Variants in ZNF334 observed in about 807,000 individuals in gnomAD.
The protein encoded by ZNF334 is zinc finger protein 334.
Under a neutral mutation model 12.4 loss-of-function variants are expected in ZNF334, and 14 were observed. That is an observed-to-expected ratio of 1.13 (90% CI 0.74 to 1.76). The LOEUF (loss-of-function observed/expected upper bound fraction) is 1.76. ZNF334 is among the 40% of genes most tolerant of loss of function. The pLI, the probability that ZNF334 is intolerant of heterozygous loss-of-function variation, is 0.00. For synonymous variants in ZNF334, 273 were observed against 269.6 expected, an observed-to-expected ratio of 1.01 and a Z score of -0.12; for missense variants, 797 against 804.5, an observed-to-expected ratio of 0.99 and a Z score of 0.11.
At chr20:46,481,475 A>T in the ZNF334 span, 1 of 152,272 alleles carries the variant, frequency 6.6e-6, no homozygotes, top group East Asian at 1.9e-4. Context: ...GACCAAGAGG[A>T]GTCATTAGCA....
At chr20:46,487,841 T>C in the ZNF334 span, among the ~76,000 whole-genome samples, 109 of 152,322 alleles carry the variant, frequency 7.2e-4, no homozygotes, top group Non-Finnish European at 1.3e-3. Flanking sequence ...CTTTCTCATA[T>C]AAGCTTGATA....
the ZNF334 span, among the ~76,000 whole-genome samples, chr20:46,467,434 G>A: frequency 1.8e-3 from 276 of 152,272 alleles, no homozygotes; most frequent in Middle Eastern, 6.8e-3. Context: ...CCAGGATTTT[G>A]TTTACAAAAG....
chr20:46,513,182 T>C lies in ZNF334; in HGVS notation c.-681A>G, dbSNP rs2061714038. 1 of 152,204 alleles carries C rather than the reference T, an allele frequency of 6.6e-6. No homozygotes were observed. The highest frequency in any genetic ancestry group is 1.5e-5 in the Non-Finnish European group (1 of 68,054). 9.4% of individuals were successfully genotyped at this position (152,204 alleles called of 1,614,324 possible). A position where few individuals can be genotyped will look rare whatever the true frequency, so the allele number is the denominator to read the frequency against. Reference sequence around the variant, plus strand: ...CAAGACTAAGTGCATCAGCAGAAGTTCTGGAAAGAGGTTCTAGCTACTTGG... The same window carrying C: ...CAAGACTAAGTGCATCAGCAGAAGTCCTGGAAAGAGGTTCTAGCTACTTGG... On this transcript the variant is annotated 5_prime_UTR_variant, in exon 1 of 5. Transcript: ENST00000692313.
rs779927287 is a variant in ZNF334 at position 46,501,868 on chromosome 20, A to G, written c.1471T>C (p.Phe491Leu). 2.5e-6 allele frequency: 4 copies of G among 1,613,988 alleles called. No individual in the cohort carries two copies. The highest frequency in any genetic ancestry group is 3.4e-6 in the Non-Finnish European group (4 of 1,179,996). The change falls in exon 5 of 5, where the codon TTT (phenylalanine) becomes CTT (leucine). Residue 491 changes from phenylalanine to leucine, a missense_variant. Physicochemically the swap from Phe to Leu is conservative, Grantham distance 22. Transcript: ENST00000692313. ...RTHTGEKHGV[F>L]NKCGRISIVK... ...ATGGAGATTCTACCACATTTATTAA[A>G]CACACCATGTTTCTCTCCTGTGTGT...
chr20:46,499,552 T>G (rs746216569), downstream of ZNF334: 52 of 152,194 alleles, frequency 3.4e-4, no homozygotes, highest in Non-Finnish European at 1.8e-4. Flanking sequence ...CTTGGACTTG[T>G]GAATTTACAT....
At chr20:46,479,973 T>G in the ZNF334 span, among the ~76,000 whole-genome samples, 1,343 of 152,280 alleles carry the variant, frequency 8.8e-3, 6 homozygotes, top group Middle Eastern at 0.02. Flanking sequence ...CCCCACTCTT[T>G]GAGATGTCTC....
Position 46,501,495 on chromosome 20 carries a change from A to C in ZNF334, c.1844T>G (p.Phe615Cys). The stretch of plus-strand genomic sequence containing the variant: ...TGTGTGAATTCTTCTATGGACTCTG[A>C]AGGCTGACTTATGGCAGAAGGATTT... ...CGKSFCHKSAFRVHRRIHTGE... is the reference protein window; with the variant it reads ...CGKSFCHKSACRVHRRIHTGE... The change falls in exon 5 of 5, where the codon TTC becomes TGC. Residue 615 changes from phenylalanine to cysteine, a missense_variant. Transcript: ENST00000692313. 4.3e-6 allele frequency: 7 copies of C among 1,614,114 alleles called. No individual in the cohort carries two copies. The highest frequency in any genetic ancestry group is 5.9e-6 in the Non-Finnish European group (7 of 1,180,000).
the ZNF334 span, chr20:46,464,987 G>A: frequency 4.1e-5 from 18 of 444,402 alleles, 1 homozygote; most frequent in Middle Eastern, 3.2e-3. Flanking sequence ...ATCTGCAGCG[G>A]CCTCCATAAA....
At chr20:46,482,286 G>C in the ZNF334 span, among the ~76,000 whole-genome samples, 86 of 152,140 alleles carry the variant, frequency 5.7e-4, no homozygotes, top group Non-Finnish European at 8.7e-4. Flanking sequence ...CACATATTTA[G>C]GGCCCAATGT....
At chr20:46,470,089 T>C in the ZNF334 span, among the ~76,000 whole-genome samples, 232 of 152,252 alleles carry the variant, frequency 1.5e-3, no homozygotes, top group African/African-American at 5.4e-3. Context: ...TAATAAAAAA[T>C]AGGTGCTCCA....
At chr20:46,487,693 G>A in the ZNF334 span, among the ~76,000 whole-genome samples, 1 of 152,150 alleles carries the variant, frequency 6.6e-6, no homozygotes, top group Non-Finnish European at 1.5e-5. Flanking sequence ...ACTCTAAAAT[G>A]TATTTTGTCT....
chr20:46,504,802 T>C (rs2061374714), intron 2 of ZNF334, 62 bp from the exon 3 acceptor site: 4 of 1,485,470 alleles, frequency 2.7e-6, no homozygotes, highest in Non-Finnish European at 3.7e-6. Flanking sequence ...TATGGTAACA[T>C]AAACTATAAG....
chr20:46,480,636 T>C, the ZNF334 span, among the ~76,000 whole-genome samples: 53 of 152,320 alleles, frequency 3.5e-4, no homozygotes, highest in Admixed American at 7.8e-4. Flanking sequence ...TCCCCAATCC[T>C]TCCTGTTCCC....
rs931830627 is a variant in ZNF334, at chr20:46,513,243, T to G, written c.-742A>C. On this transcript the variant is annotated 5_prime_UTR_variant, in exon 1 of 5. Coordinates refer to ENST00000692313, the MANE Select transcript of ZNF334 (RefSeq NM_001353824.2). ...CTTTCACCTTCACCAAGCGCCTTCT[T>G]CGGGCAAATCAGGGCCCTAGAGAGA... 1.3e-5 allele frequency: 2 copies of G among 152,240 alleles called. No homozygotes were observed. Among genetic ancestry groups the G allele is most frequent in the Non-Finnish European group, 2.9e-5 (2 of 68,074 alleles). 9.4% of individuals were successfully genotyped at this position (152,240 alleles called of 1,614,324 possible).
At chr20:46,503,324 G>GAACTA (rs2061317621) in intron 4 of ZNF334, among the ~76,000 whole-genome samples, 1 of 152,132 alleles carries the variant, frequency 6.6e-6, no homozygotes, top group Non-Finnish European at 1.5e-5. Context: ...ATTTAACAGG[G>GAACTA]GGAAAGGAAG....
At chr20:46,464,296 G>T in the ZNF334 span, 1 of 554,138 alleles carries the variant, frequency 1.8e-6, no homozygotes, top group Non-Finnish European at 3.6e-6. Context: ...GGTACTCACT[G>T]GGAATGACAA....
At chr20:46,485,427 A>G in the ZNF334 span, 1 of 148,468 alleles carries the variant, frequency 6.7e-6, no homozygotes, top group Non-Finnish European at 1.5e-5. Flanking sequence ...AGTGTCACAG[A>G]AGGTTTTTTT....
At chr20:46,477,291 G>A in the ZNF334 span, 1 of 152,096 alleles carries the variant, frequency 6.6e-6, no homozygotes, top group African/African-American at 2.4e-5. Context: ...TCCACACTTT[G>A]GCTAGGTTTA....
At chr20:46,473,415 G>A in the ZNF334 span, among the ~76,000 whole-genome samples, 1 of 152,164 alleles carries the variant, frequency 6.6e-6, no homozygotes, top group Non-Finnish European at 1.5e-5. Context: ...CTTGAGATAA[G>A]TGCTTCATTA....
Sources: allele counts gnomAD v4.1 joint callset (sites outside exome capture counted in the v4.1 genomes callset), GRCh38; gene constraint gnomAD v4.1.1; transcripts MANE v1.5; gene names NCBI Gene and HGNC (gene_info 2026-07-23, HGNC 2026-07-21).